HDX: variants seen among roughly 807,000 people sequenced by gnomAD.
HDX encodes highly divergent homeobox.
In HDX, 19 loss-of-function variants were observed where a neutral mutation model predicts 45.2. The ratio of observed to expected loss-of-function variants is 0.42; its 90% CI spans 0.29 to 0.62. The LOEUF (loss-of-function observed/expected upper bound fraction) is 0.62. Among genes scored for constraint, HDX ranks in the 20% least tolerant of loss-of-function variants. HDX has a pLI of 0.20. For synonymous variants in HDX, 188 were observed against 172.8 expected, an observed-to-expected ratio of 1.09 and a Z score of -0.69; for missense variants, 532 against 493.9, an observed-to-expected ratio of 1.08 and a Z score of -0.73.
chrX:84,450,610 C>A (rs759582184), intron 4 of HDX, among the ~76,000 whole-genome samples: 49 of 111,965 alleles, frequency 4.4e-4, no homozygotes, highest in Admixed American at 9.5e-4. Context: ...AATTTCAACT[C>A]CCCACTTTCA....
At chrX:84,392,815 C>A (rs1267405717) in intron 5 of HDX, among the ~76,000 whole-genome samples, 2 of 10,677 alleles carry the variant, frequency 1.9e-4, no homozygotes, top group Admixed American at 3.6e-3. Flanking sequence ...TTTTTATATA[C>A]TGATTTTTTT....
chrX:84,351,265 A>C (rs936022705), intron 6 of HDX, among the ~76,000 whole-genome samples: 2 of 111,497 alleles, frequency 1.8e-5, no homozygotes, highest in African/African-American at 6.5e-5. Flanking sequence ...AAAGTCTTCT[A>C]GTGACATTGC....
At position 84,344,243 on chromosome X, in the gene HDX, A is replaced by G. The variant is rs779198087; in HGVS notation, c.1660+7T>C. The G allele has an allele frequency of 5.1e-6, 6 of 1,170,491 alleles. No individual in the cohort carries two copies. Among genetic ancestry groups the G allele is most frequent in the Admixed American group, 2.2e-5 (1 of 45,564 alleles). On this transcript the variant is annotated splice_region_variant and intron_variant, in intron 7 of 10. Transcript: ENST00000373177. ...GCTATTATTAGAAGATTCAGCATAT[A>G]AAGTACCTTGAGAGCTTCCTTCAGA...
chrX:84,479,332 C>T (rs762272328), intron 2 of HDX, among the ~76,000 whole-genome samples: 9 of 111,988 alleles, frequency 8.0e-5, no homozygotes, highest in African/African-American at 2.9e-4. Context: ...TTCAGCCTAG[C>T]TTCTTTCACT....
intron 3 of HDX, among the ~76,000 whole-genome samples, chrX:84,473,518 T>C (rs1413164578): frequency 1.8e-5 from 2 of 111,372 alleles, no homozygotes; most frequent in Non-Finnish European, 3.8e-5. Flanking sequence ...TCTTGTAACA[T>C]GTAACATTTT....
At chrX:84,439,497 G>A (rs1047788891) in intron 5 of HDX, among the ~76,000 whole-genome samples, 1 of 110,826 alleles carries the variant, frequency 9.0e-6, no homozygotes, top group Admixed American at 9.7e-5. Context: ...GTTGAGCAGG[G>A]TATTCCCTAG....
chrX:84,376,428 G>T (rs2038058082), intron 5 of HDX, among the ~76,000 whole-genome samples: 1 of 111,422 alleles, frequency 9.0e-6, no homozygotes, highest in Non-Finnish European at 1.9e-5. Flanking sequence ...GCACAAAGAG[G>T]GCCCTTGAGG....
chrX:84,364,533 G>T (rs2037699281), intron 5 of HDX, among the ~76,000 whole-genome samples: 2 of 73,128 alleles, frequency 2.7e-5, no homozygotes, highest in Admixed American at 4.7e-4. Context: ...ATGGAGTCTC[G>T]CTCTGTCGCC....
At chrX:84,343,339 C>T (rs745531935) in intron 7 of HDX, among the ~76,000 whole-genome samples, 2 of 111,220 alleles carry the variant, frequency 1.8e-5, no homozygotes, top group South Asian at 7.6e-4. Flanking sequence ...ACTGCAGCCT[C>T]AAACTCCAGG....
At chrX:84,498,689 A>AT (rs1405730013) in intron 1 of HDX, among the ~76,000 whole-genome samples, 1 of 111,868 alleles carries the variant, frequency 8.9e-6, no homozygotes, top group Non-Finnish European at 1.9e-5. Context: ...TTCATGCTAT[A>AT]TTTTTTCAAT....
intron 7 of HDX, among the ~76,000 whole-genome samples, chrX:84,337,225 A>T (rs754723465): frequency 3.4e-4 from 38 of 111,325 alleles, no homozygotes; most frequent in African/African-American, 1.0e-3. Context: ...ATAAGGAAAT[A>T]TTCATGGTTT....
rs775508974 is a variant in HDX, at chrX:84,468,611, T to G, written c.1112A>C (p.Tyr371Ser). ...TAATGAGGTCCGTGGTGTCAAATGG[T>G]AGTTTCTGTTTTGATACAGTACATT... ...SDNVLYQNRN[Y>S]HLTPRTSLHT... The change falls in exon 4 of 11, where the codon TAC becomes TCC. Residue 371 changes from tyrosine to serine, a missense_variant. Physicochemically the swap from Tyr to Ser is moderately radical, Grantham distance 144 (BLOSUM62 -2). This residue lies in a region of HDX where 376 missense variants were observed against 343.7 expected (regional missense o/e 1.09). Coordinates refer to ENST00000373177, the MANE Select transcript of HDX (RefSeq NM_001177479.2). 1 of 1,206,084 alleles carries G rather than the reference T, an allele frequency of 8.3e-7. No individual in the cohort carries two copies. The highest frequency in any genetic ancestry group is 1.1e-6 in the Non-Finnish European group (1 of 890,358).
At chrX:84,460,458 T>C (rs1602498445) in intron 4 of HDX, among the ~76,000 whole-genome samples, 2 of 112,051 alleles carry the variant, frequency 1.8e-5, no homozygotes, top group South Asian at 7.3e-4. Flanking sequence ...TCATTTGAAT[T>C]GATGCTGAAA....
intron 6 of HDX, among the ~76,000 whole-genome samples, chrX:84,349,527 A>T (rs764922909): frequency 3.1e-5 from 3 of 95,662 alleles, no homozygotes; most frequent in African/African-American, 1.2e-4. Flanking sequence ...GTGTGTGTGT[A>T]TATATATATA....
chrX:84,392,830 G>A (rs1208179936), intron 5 of HDX, among the ~76,000 whole-genome samples: 2 of 77,638 alleles, frequency 2.6e-5, no homozygotes, highest in Non-Finnish European at 5.2e-5. Context: ...TTTTTTTTTT[G>A]TCTACTGATT....
intron 8 of HDX, among the ~76,000 whole-genome samples, chrX:84,335,625 C>G (rs185872326): frequency 9.0e-6 from 1 of 111,250 alleles, no homozygotes; most frequent in African/African-American, 3.2e-5. Context: ...AAACTCAAAT[C>G]TGTAGCAGAT....
At chrX:84,452,742 A>G (rs190311191) in intron 4 of HDX, among the ~76,000 whole-genome samples, 9 of 111,933 alleles carry the variant, frequency 8.0e-5, no homozygotes, top group South Asian at 7.5e-4. Context: ...GCCCTCTTCA[A>G]TAAATGCTAC....
chrX:84,469,653 A>G (rs1035547946), intron 3 of HDX, 78 bp from the exon 4 acceptor site: 4 of 832,265 alleles, frequency 4.8e-6, no homozygotes, highest in South Asian at 3.0e-5. Flanking sequence ...GTGGTACATT[A>G]TATTTTCATT....
chrX:84,384,866 A>G (rs2038271121), intron 5 of HDX, among the ~76,000 whole-genome samples: 1 of 109,915 alleles, frequency 9.1e-6, no homozygotes. Context: ...TGAGTTTTCT[A>G]TTCTATTTCA....
Sources: allele counts gnomAD v4.1 joint callset (sites outside exome capture counted in the v4.1 genomes callset), GRCh38; gene constraint gnomAD v4.1.1; regional missense constraint gnomAD v4.1.1; transcripts MANE v1.5; gene names NCBI Gene and HGNC (gene_info 2026-07-23, HGNC 2026-07-21).